CNBD1: variants seen among roughly 807,000 people sequenced by gnomAD.
CNBD1 encodes cyclic nucleotide binding domain containing 1.
In CNBD1, 71 loss-of-function variants were observed where a neutral mutation model predicts 54.4. The observed-to-expected ratio is 1.30, with a 90% CI of 1.08 to 1.59. The LOEUF (loss-of-function observed/expected upper bound fraction) is 1.59. Among genes scored for constraint, CNBD1 ranks in the 40% most tolerant of loss-of-function variants. CNBD1 has a pLI of 0.00. For synonymous variants in CNBD1, 182 were observed against 170.7 expected, an observed-to-expected ratio of 1.07 and a Z score of -0.51; for missense variants, 659 against 518.0, an observed-to-expected ratio of 1.27 and a Z score of -2.64.
chr8:87,173,745 CA>C (rs1483738032), intron 4 of CNBD1, among the ~76,000 whole-genome samples: 1 of 150,354 alleles, frequency 6.7e-6, no homozygotes, highest in Non-Finnish European at 1.5e-5. Flanking sequence ...AATCTTCTTT[CA>C]GTAAAATCTG....
intron 8 of CNBD1, among the ~76,000 whole-genome samples, chr8:87,327,524 C>A (rs1030485503): frequency 1.3e-5 from 2 of 152,294 alleles, no homozygotes; most frequent in South Asian, 2.1e-4. Flanking sequence ...TTTTTTAAGC[C>A]GGTCTGAAAA....
chr8:87,181,132 T>G (rs1215285562), intron 4 of CNBD1, among the ~76,000 whole-genome samples: 1 of 152,232 alleles, frequency 6.6e-6, no homozygotes, highest in Non-Finnish European at 1.5e-5. Context: ...ATTTCTATCA[T>G]CATTTTAAAG....
chr8:87,353,691 G>A lies in CNBD1; in HGVS notation c.1208G>A (p.Gly403Asp), dbSNP rs1810354498. ...MGKLKEKESF[G>D]EISVLLQVPF... ...AAACTTAAGGAGAAGGAGTCCTTTG[G>A]TGAGATTAGCGTCCTTCTTCAAGTT... The change falls in exon 10 of 11, where the codon GGT (glycine) becomes GAT (aspartate). Residue 403 changes from glycine (G) to aspartate (D), a missense_variant. Physicochemically the swap from Gly to Asp is moderately conservative, Grantham distance 94 (BLOSUM62 -1). Coordinates refer to ENST00000518476, the MANE Select transcript of CNBD1 (RefSeq NM_173538.3). 1 of 1,608,576 alleles carries A rather than the reference G, an allele frequency of 6.2e-7. No homozygotes were observed.
intron 4 of CNBD1, among the ~76,000 whole-genome samples, chr8:86,982,169 C>T (rs1691373899): frequency 6.6e-6 from 1 of 152,152 alleles, no homozygotes; most frequent in Non-Finnish European, 1.5e-5. Flanking sequence ...TGATGTTGAA[C>T]ATGTTTTATG....
At chr8:87,240,275 C>T (rs551850750) in intron 6 of CNBD1, among the ~76,000 whole-genome samples, 1 of 151,948 alleles carries the variant, frequency 6.6e-6, no homozygotes, top group Non-Finnish European at 1.5e-5. Flanking sequence ...ATTAAAAGAA[C>T]TTTCTAGTTT....
intron 4 of CNBD1, among the ~76,000 whole-genome samples, chr8:87,134,234 A>C (rs1399583914): frequency 6.6e-6 from 1 of 152,168 alleles, no homozygotes; most frequent in Non-Finnish European, 1.5e-5. Flanking sequence ...GATTAATATT[A>C]TTCATCAATG....
At chr8:87,398,508 C>A (rs1025596749) in intron 2 of CNBD1, among the ~76,000 whole-genome samples, 1 of 151,978 alleles carries the variant, frequency 6.6e-6, no homozygotes, top group African/African-American at 2.4e-5. Context: ...AATATACATT[C>A]TGGTGATCCC....
intron 2 of CNBD1, among the ~76,000 whole-genome samples, chr8:87,409,874 T>A (rs868112634): frequency 3.3e-4 from 50 of 151,746 alleles, no homozygotes; most frequent in African/African-American, 1.2e-3. Context: ...ATAGAAAAAA[T>A]TAGCCTGGTG....
At chr8:87,211,229 C>G (rs1357606757) in intron 5 of CNBD1, among the ~76,000 whole-genome samples, 5 of 152,104 alleles carry the variant, frequency 3.3e-5, no homozygotes, top group African/African-American at 7.2e-5. Flanking sequence ...GCCTGTTTCC[C>G]CATTGTATCT....
chr8:87,092,344 A>AGT (rs113453662), intron 4 of CNBD1, among the ~76,000 whole-genome samples: 8,726 of 143,092 alleles, frequency 0.061, 543 homozygotes, highest in African/African-American at 0.16. Flanking sequence ...ATACTGGCTC[A>AGT]GTGTGTGTGT....
At chr8:87,400,800 C>G (rs1160053888) in intron 2 of CNBD1, among the ~76,000 whole-genome samples, 3 of 151,972 alleles carry the variant, frequency 2.0e-5, no homozygotes, top group East Asian at 1.9e-4. Context: ...TCTTAAACCT[C>G]TTGTGATACC....
chr8:87,303,927 C>A (rs972558514), intron 8 of CNBD1, among the ~76,000 whole-genome samples: 1 of 152,072 alleles, frequency 6.6e-6, no homozygotes, highest in Non-Finnish European at 1.5e-5. Context: ...CAAATCAAAA[C>A]CACAATGAGA....
intron 10 of CNBD1, among the ~76,000 whole-genome samples, chr8:87,377,481 C>A (rs1363029486): frequency 6.6e-6 from 1 of 151,932 alleles, no homozygotes; most frequent in African/African-American, 2.4e-5. Context: ...AGGACATGAA[C>A]TCATCATTTT....
rs571295905 is a variant in CNBD1, at chr8:87,162,697, C to T, written c.432-43296C>T. Among the ~76,000 whole-genome samples the T allele has an allele frequency of 8.5e-5, 13 of 152,190 alleles. No individual in the cohort carries two copies. In the East Asian group the frequency reaches 2.5e-3, roughly 29 times the overall value. On this transcript the variant is annotated intron_variant, in intron 4 of 10. Transcript: ENST00000518476. The stretch of plus-strand genomic sequence containing the variant: ...GATTAAGGTGCTGCCTGGTGAAGGC[C>T]TGATCTCTCTGCTCCCAAAATTGTG...
rs1809146168 is a variant in CNBD1 at position 87,008,418 on chromosome 8, CTCT to C, written c.431+68669_431+68671del. Among the ~76,000 whole-genome samples the C allele has an allele frequency of 2.0e-5, 3 of 152,156 alleles. No individual in the cohort carries two copies. The South Asian group carries it at 6.2e-4, about 31-fold the overall frequency. ...TCTCAGATGTTTTACACAGTAATTA[CTCT>C]TCTTAACTATAACCTTTGCATTTTT... On this transcript the variant is annotated intron_variant, in intron 4 of 10. Transcript: ENST00000518476.
chr8:87,068,343 G>A (rs899646516), intron 4 of CNBD1, among the ~76,000 whole-genome samples: 2 of 151,904 alleles, frequency 1.3e-5, no homozygotes, highest in Non-Finnish European at 2.9e-5. Context: ...ATACTGTTTT[G>A]TTTTTTCATT....
intron 1 of CNBD1, among the ~76,000 whole-genome samples, chr8:86,873,274 T>C (rs1271313900): frequency 6.6e-6 from 1 of 151,794 alleles, no homozygotes; most frequent in Non-Finnish European, 1.5e-5. Flanking sequence ...GCTAATTTTG[T>C]ATTTTTAGTA....
chr8:87,280,793 T>C (rs2130866392), intron 6 of CNBD1, among the ~76,000 whole-genome samples: 1 of 151,658 alleles, frequency 6.6e-6, no homozygotes. Flanking sequence ...GGTTATGTAT[T>C]ATTATAGAAG....
intron 2 of CNBD1, among the ~76,000 whole-genome samples, chr8:86,897,513 C>T (rs929427291): frequency 7.2e-5 from 11 of 152,024 alleles, no homozygotes; most frequent in Non-Finnish European, 1.6e-4. Flanking sequence ...GACCAGAAAG[C>T]AGATAGTGAG....
Sources: allele counts gnomAD v4.1 joint callset (sites outside exome capture counted in the v4.1 genomes callset), GRCh38; gene constraint gnomAD v4.1.1; transcripts MANE v1.5; gene names NCBI Gene and HGNC (gene_info 2026-07-23, HGNC 2026-07-21).